TMEM131: variants seen among roughly 807,000 people sequenced by gnomAD.
TMEM131 encodes 2610524E03Rik.
A neutral mutation model predicts 211.6 loss-of-function variants in TMEM131; 66 were observed. That is an observed-to-expected ratio of 0.31 (90% CI 0.26 to 0.38). TMEM131 has a LOEUF of 0.38. Ranked by LOEUF, TMEM131 falls within the 10% of genes least tolerant of loss-of-function variation. The pLI is 1.00. For missense variants in TMEM131, 2,036 were observed against 2,299.3 expected, an observed-to-expected ratio of 0.89 and a Z score of 2.34; for synonymous variants, 844 against 841.3, an observed-to-expected ratio of 1.00 and a Z score of -0.06.
chr2:97,957,514 T>G (rs926767062), intron 1 of TMEM131, among the ~76,000 whole-genome samples: 2 of 152,154 alleles, frequency 1.3e-5, no homozygotes, highest in African/African-American at 4.8e-5. Flanking sequence ...TGCTGACCAC[T>G]GACTATAAAC....
chr2:97,934,084 T>C (rs370185190), intron 1 of TMEM131, among the ~76,000 whole-genome samples: 4 of 151,922 alleles, frequency 2.6e-5, no homozygotes, highest in Non-Finnish European at 4.4e-5. Context: ...AACTCCCTAA[T>C]TGCAGGCTAC....
intron 4 of TMEM131, chr2:97,887,802 AAG>A (rs987497843): frequency 8.3e-5 from 31 of 373,068 alleles, no homozygotes; most frequent in Non-Finnish European, 2.4e-5. Context: ...GCTGTTTCCA[AAG>A]AGTCTCTGAA....
intron 3 of TMEM131, among the ~76,000 whole-genome samples, chr2:97,897,138 A>G (rs1675648167): frequency 1.3e-5 from 2 of 152,124 alleles, no homozygotes; most frequent in South Asian, 4.1e-4. Flanking sequence ...GTTATGAAGA[A>G]ATCAGTTACT....
rs1679150121 is a variant in TMEM131, at chr2:97,766,123, G to A, written c.4714C>T (p.Pro1572Ser). 2 of 1,614,010 alleles carry A rather than the reference G, an allele frequency of 1.2e-6. No individual in the cohort carries two copies. Among genetic ancestry groups the A allele is most frequent in the Non-Finnish European group, 1.7e-6 (2 of 1,179,882 alleles). ...AAACTACTATACTTACAGCTGCCAG[G>A]TTTGTGAACTGGAACGGAATCCCAC... ...PEWDSVPVHKPGSSTDSLYKL... is the reference protein window; with the variant it reads ...PEWDSVPVHKSGSSTDSLYKL... The change falls in exon 35 of 41, where the codon CCT becomes TCT. Residue 1572 changes from proline to serine, a missense_variant. By Grantham distance (74) the Pro-to-Ser change is moderately conservative. Around this residue, in one of 3 missense-constraint regions of TMEM131, gnomAD observed 1,623 missense variants for 1,805.9 expected, o/e 0.90. Transcript: ENST00000186436.
At chr2:97,965,188 C>A (rs1678998530) in intron 1 of TMEM131, among the ~76,000 whole-genome samples, 1 of 152,200 alleles carries the variant, frequency 6.6e-6, no homozygotes, top group Non-Finnish European at 1.5e-5. Flanking sequence ...AGATCTTAAG[C>A]CGTTTAGACA....
intron 1 of TMEM131, among the ~76,000 whole-genome samples, chr2:97,969,395 C>T (rs1450754807): frequency 2.6e-5 from 4 of 152,176 alleles, no homozygotes; most frequent in Non-Finnish European, 5.9e-5. Context: ...CCAACACCTC[C>T]TTCCCTGACA....
At chr2:97,911,545 G>T in intron 2 of TMEM131, 1 of 764,716 alleles carries the variant, frequency 1.3e-6, no homozygotes. Context: ...TATCACTCAT[G>T]TGCACTTTCT....
At chr2:97,973,032 C>T (rs757993932) in intron 1 of TMEM131, among the ~76,000 whole-genome samples, 7 of 152,136 alleles carry the variant, frequency 4.6e-5, no homozygotes, top group South Asian at 2.1e-4. Context: ...TCACTACATA[C>T]GGACTTCTGA....
chr2:97,901,921 A>G (rs371501244), intron 3 of TMEM131, among the ~76,000 whole-genome samples: 1 of 152,198 alleles, frequency 6.6e-6, no homozygotes, highest in East Asian at 1.9e-4. Flanking sequence ...CATATATTGC[A>G]TATTTCAAAG....
intron 7 of TMEM131, among the ~76,000 whole-genome samples, chr2:97,838,198 C>T (rs1683019812): frequency 1.3e-5 from 2 of 152,222 alleles, no homozygotes; most frequent in South Asian, 4.2e-4. Flanking sequence ...ATCTGCTTTC[C>T]TTTCTTTTGG....
At chr2:97,787,676 C>T (rs1196724915) in intron 31 of TMEM131, among the ~76,000 whole-genome samples, 4 of 152,180 alleles carry the variant, frequency 2.6e-5, no homozygotes, top group Non-Finnish European at 4.4e-5. Context: ...TTTTTGGTGG[C>T]TGCTGATGTT....
chr2:97,940,442 A>G (rs540197743), intron 1 of TMEM131, among the ~76,000 whole-genome samples: 24 of 152,328 alleles, frequency 1.6e-4, no homozygotes, highest in African/African-American at 5.8e-4. Flanking sequence ...TAAAATACCT[A>G]GAAATCCAAC....
At chr2:97,759,196 G>C (rs1400555033) in intron 39 of TMEM131, 143 bp from the exon 40 acceptor site, 4 of 999,102 alleles carry the variant, frequency 4.0e-6, no homozygotes, top group East Asian at 2.4e-5. Flanking sequence ...ACAGCCCAGA[G>C]GAAGTAGGGG....
intron 2 of TMEM131, among the ~76,000 whole-genome samples, chr2:97,914,386 T>C (rs893310868): frequency 2.0e-5 from 3 of 152,178 alleles, no homozygotes; most frequent in African/African-American, 7.2e-5. Flanking sequence ...AAGGTCTCAG[T>C]TTTGTATGTC....
At chr2:97,917,146 A>G (rs1483095780) in intron 2 of TMEM131, among the ~76,000 whole-genome samples, 1 of 152,232 alleles carries the variant, frequency 6.6e-6, no homozygotes, top group African/African-American at 2.4e-5. Context: ...AGCCAAATCC[A>G]GTCTTCTGCC....
rs567023624 is a variant in TMEM131 at position 97,819,026 on chromosome 2, C to T, written c.1075-305G>A. On this transcript the variant is annotated intron_variant, in intron 11 of 40. Coordinates refer to ENST00000186436, the MANE Select transcript of TMEM131 (RefSeq NM_015348.2). The stretch of plus-strand genomic sequence containing the variant: ...AAGGTACTTATTTTCCAAATGAATG[C>T]CTAATTCACACACCAGTGGAGGCGA... 2.6e-5 allele frequency among the ~76,000 whole-genome samples: 4 copies of T among 152,254 alleles called. No homozygotes were observed. The East Asian group carries it at 7.7e-4, about 29-fold the overall frequency.
intron 1 of TMEM131, among the ~76,000 whole-genome samples, chr2:97,937,569 T>C (rs1393707352): frequency 1.3e-5 from 2 of 151,990 alleles, no homozygotes. Context: ...AAAAATAAAT[T>C]TTAAAAATTC....
At chr2:97,896,162 T>C (rs1054063408) in intron 3 of TMEM131, among the ~76,000 whole-genome samples, 11 of 152,194 alleles carry the variant, frequency 7.2e-5, no homozygotes, top group African/African-American at 2.7e-4. Context: ...AACTTCCCTG[T>C]AGTTGTGCAG....
intron 2 of TMEM131, among the ~76,000 whole-genome samples, chr2:97,917,306 T>C (rs543241569): frequency 9.8e-5 from 15 of 152,348 alleles, no homozygotes; most frequent in South Asian, 2.1e-4. Context: ...CCGAAAAAGT[T>C]TGCCAACATC....
Sources: allele counts gnomAD v4.1 joint callset (sites outside exome capture counted in the v4.1 genomes callset), GRCh38; gene constraint gnomAD v4.1.1; regional missense constraint gnomAD v4.1.1; transcripts MANE v1.5; gene names NCBI Gene and HGNC (gene_info 2026-07-23, HGNC 2026-07-21).